FAT3: variants seen among roughly 807,000 people sequenced by gnomAD.
FAT3 encodes the protein protocadherin Fat 3.
Under a neutral mutation model 310.2 loss-of-function variants are expected in FAT3, and 95 were observed. The ratio of observed to expected loss-of-function variants is 0.31; its 90% confidence interval spans 0.26 to 0.36. The LOEUF (loss-of-function observed/expected upper bound fraction) is 0.36, where lower values mean the gene tolerates loss of function less well. Among genes scored for constraint, FAT3 ranks in the 10% least tolerant of loss-of-function variants. The probability of loss-of-function intolerance (pLI) is 1.00; values close to 1 mark genes in which losing one functional copy is unlikely to be tolerated. For missense variants in FAT3, 5,408 were observed against 5,715.6 expected (o/e 0.95, Z 1.74); for synonymous variants, 2,314 against 2,192.9 (o/e 1.06, Z -1.54).
chr11:92,241,948 A>T (rs1000930167), intron 1 of FAT3, among the ~76,000 whole-genome samples: 5 of 152,062 alleles, frequency 3.3e-5, no homozygotes, highest in African/African-American at 1.2e-4. Flanking sequence ...CTGAGTCTGC[A>T]CTAAGAGTTT....
intron 3 of FAT3, among the ~76,000 whole-genome samples, chr11:92,668,299 A>T (rs1452997119): frequency 1.3e-5 from 2 of 152,218 alleles, no homozygotes; most frequent in Non-Finnish European, 2.9e-5. Context: ...TTGCAAATAC[A>T]CATCTTCAAT....
At chr11:92,447,256 T>C (rs1030555132) in intron 2 of FAT3, among the ~76,000 whole-genome samples, 1 of 144,388 alleles carries the variant, frequency 6.9e-6, no homozygotes, top group Admixed American at 7.1e-5. Context: ...TGTGTGTGTG[T>C]ACAGTGGTTT....
intron 13 of FAT3, among the ~76,000 whole-genome samples, chr11:92,810,495 A>G (rs1947639154): frequency 1.3e-5 from 2 of 152,200 alleles, no homozygotes; most frequent in African/African-American, 2.4e-5. Flanking sequence ...ACTCGGTCAC[A>G]TGCTTTAGCT....
At chr11:92,311,638 G>A (rs1947307718) in intron 1 of FAT3, among the ~76,000 whole-genome samples, 1 of 152,194 alleles carries the variant, frequency 6.6e-6, no homozygotes, top group South Asian at 2.1e-4. Flanking sequence ...TTTGAGAAGA[G>A]ACAAGAAGCA....
intron 1 of FAT3, among the ~76,000 whole-genome samples, chr11:92,338,936 G>A (rs775355382): frequency 6.6e-6 from 1 of 152,102 alleles, no homozygotes; most frequent in African/African-American, 2.4e-5. Context: ...CAGTGGAAGG[G>A]AACCCAGTTT....
In FAT3 at chr11:92,354,167, A is replaced by T. The variant is rs774369902; in HGVS notation, c.2055A>T (p.Glu685Asp). 1.2e-6 allele frequency: 2 copies of T among 1,613,904 alleles called. No individual in the cohort carries two copies. Among genetic ancestry groups the T allele is most frequent in the South Asian group, 2.2e-5 (2 of 91,086 alleles). ...KVSSKSFSCRETRVAQKLAEK... is the reference protein window; with the variant it reads ...KVSSKSFSCRDTRVAQKLAEK... ...CTTCAAAGAGCTTCAGTTGCAGAGA[A>T]ACTCGTGTGGCTCAAAAGCTGGCAG... Residue 685 changes from glutamate (E) to aspartate (D), a missense_variant, in exon 2 of 28, where the codon GAA becomes GAT. Glu to Asp is a conservative substitution (Grantham distance 45). Around this residue, in one of 5 missense-constraint regions of FAT3, gnomAD observed 4,588 missense variants for 4,809.8 expected, o/e 0.95. Transcript: ENST00000525166.
intron 2 of FAT3, among the ~76,000 whole-genome samples, chr11:92,367,840 G>A (rs1949068527): frequency 6.6e-6 from 1 of 152,192 alleles, no homozygotes; most frequent in East Asian, 1.9e-4. Context: ...AGAGCACTGA[G>A]GTGAGTTGAT....
At chr11:92,420,026 T>C (rs1950503698) in intron 2 of FAT3, among the ~76,000 whole-genome samples, 1 of 152,184 alleles carries the variant, frequency 6.6e-6, no homozygotes, top group Non-Finnish European at 1.5e-5. Flanking sequence ...CCATTCTTAT[T>C]TCTGTAGGTG....
intron 6 of FAT3, among the ~76,000 whole-genome samples, chr11:92,773,144 C>G (rs940054932): frequency 5.9e-5 from 9 of 152,042 alleles, no homozygotes; most frequent in Non-Finnish European, 5.9e-5. Context: ...TTTTTCTCCC[C>G]CTCAAAAAAA....
At chr11:92,837,555 A>G in intron 16 of FAT3, 108 bp from the exon 17 acceptor site, 2 of 1,337,594 alleles carry the variant, frequency 1.5e-6, no homozygotes, top group East Asian at 2.4e-5. Context: ...CAAACTAAAG[A>G]TGGTTGCTCT....
intron 3 of FAT3, among the ~76,000 whole-genome samples, chr11:92,644,500 T>G (rs1479454773): frequency 6.6e-6 from 1 of 152,064 alleles, no homozygotes. Context: ...CCCCGATAAC[T>G]CTGATCCTTG....
At chr11:92,241,452 A>G (rs775062491) in intron 1 of FAT3, among the ~76,000 whole-genome samples, 12 of 151,952 alleles carry the variant, frequency 7.9e-5, no homozygotes, top group Non-Finnish European at 1.6e-4. Context: ...ATTGCAAAAT[A>G]CTCTGTTTTT....
chr11:92,738,725 G>A (rs562699211), intron 4 of FAT3, among the ~76,000 whole-genome samples: 1 of 152,158 alleles, frequency 6.6e-6, no homozygotes, highest in Admixed American at 6.5e-5. Flanking sequence ...ATTTTTTTGT[G>A]TTATCCACCT....
chr11:92,767,698 G>A (rs1946350465), intron 6 of FAT3, among the ~76,000 whole-genome samples: 2 of 152,122 alleles, frequency 1.3e-5, no homozygotes, highest in Non-Finnish European at 2.9e-5. Flanking sequence ...AGTTTCTCAT[G>A]TCAGCATGAT....
At chr11:92,372,529 C>CA (rs1292240432) in intron 2 of FAT3, among the ~76,000 whole-genome samples, 1 of 152,048 alleles carries the variant, frequency 6.6e-6, no homozygotes, top group African/African-American at 2.4e-5. Flanking sequence ...CTGAAGTGTG[C>CA]AAAATGACAC....
chr11:92,666,354 T>A (rs1942947442), intron 3 of FAT3, among the ~76,000 whole-genome samples: 1 of 53,860 alleles, frequency 1.9e-5, no homozygotes, highest in Non-Finnish European at 3.6e-5. Context: ...ATTTGAAGGA[T>A]TTTTTTTTTT....
chr11:92,332,674 A>G (rs1947950775), intron 1 of FAT3, among the ~76,000 whole-genome samples: 1 of 152,044 alleles, frequency 6.6e-6, no homozygotes, highest in Non-Finnish European at 1.5e-5. Context: ...CCATCCATAA[A>G]ATGGAGATAA....
chr11:92,840,480 TG>T (rs1948510528), intron 17 of FAT3, 81 bp from the exon 18 acceptor site: 1 of 1,275,966 alleles, frequency 7.8e-7, no homozygotes, highest in Non-Finnish European at 1.1e-6. Context: ...ATGGTATTTT[TG>T]ATTTGTTTTG....
intron 3 of FAT3, among the ~76,000 whole-genome samples, chr11:92,668,933 T>C (rs1591587206): frequency 6.6e-6 from 1 of 152,152 alleles, no homozygotes; most frequent in Admixed American, 6.5e-5. Flanking sequence ...TTCTTAGGGA[T>C]TGGGTAAAAT....
Sources: allele counts gnomAD v4.1 joint callset (sites outside exome capture counted in the v4.1 genomes callset), GRCh38; gene constraint gnomAD v4.1.1; regional missense constraint gnomAD v4.1.1; transcripts MANE v1.5; gene names NCBI Gene and HGNC (gene_info 2026-07-23, HGNC 2026-07-21).